The following KCNQ3 variants were observed in gnomAD, a reference collection of about 807,000 sequenced individuals.
The protein encoded by KCNQ3 is potassium voltage-gated channel subfamily Q member 3.
A neutral mutation model predicts 92.5 loss-of-function variants in KCNQ3; 30 were observed. The observed-to-expected ratio is 0.32, with a 90% CI of 0.24 to 0.44. The LOEUF is 0.44. Ranked by LOEUF, KCNQ3 falls within the 20% of genes least tolerant of loss-of-function variation. The pLI, the probability that KCNQ3 is intolerant of heterozygous loss-of-function variation, is 1.00. For synonymous variants in KCNQ3, 450 were observed against 468.8 expected (o/e 0.96, Z 0.52); for missense variants, 913 against 1,140.3 (o/e 0.80, Z 2.87).
At chr8:132,162,135 C>G (rs1031117760) in intron 9 of KCNQ3, among the ~76,000 whole-genome samples, 1 of 152,116 alleles carries the variant, frequency 6.6e-6, no homozygotes, top group Admixed American at 6.6e-5. Flanking sequence ...ATCAGAAGCC[C>G]CTTTTCTAGG....
intron 1 of KCNQ3, among the ~76,000 whole-genome samples, chr8:132,463,663 T>G (rs1465501463): frequency 6.6e-6 from 1 of 152,216 alleles, no homozygotes; most frequent in African/African-American, 2.4e-5. Flanking sequence ...GCAAATCTTT[T>G]CTTCTACACT....
At chr8:132,214,457 C>T (rs187609670) in intron 1 of KCNQ3, among the ~76,000 whole-genome samples, 1 of 152,210 alleles carries the variant, frequency 6.6e-6, no homozygotes, top group Non-Finnish European at 1.5e-5. Flanking sequence ...CAATAACTGT[C>T]GTATAATAGA....
At chr8:132,243,160 T>G (rs2130413898) in intron 1 of KCNQ3, among the ~76,000 whole-genome samples, 1 of 152,310 alleles carries the variant, frequency 6.6e-6, no homozygotes. Context: ...GGAAACTGAC[T>G]ATGAGATTTA....
intron 4 of KCNQ3, among the ~76,000 whole-genome samples, chr8:132,177,623 A>C (rs1826608804): frequency 6.6e-6 from 1 of 152,188 alleles, no homozygotes; most frequent in South Asian, 2.1e-4. Context: ...TGGGAGCTCT[A>C]GGGCTCATTT....
intron 1 of KCNQ3, among the ~76,000 whole-genome samples, chr8:132,368,148 T>G (rs1819374698): frequency 6.6e-6 from 1 of 152,156 alleles, no homozygotes; most frequent in African/African-American, 2.4e-5. Flanking sequence ...AACAAAATCG[T>G]TTTCCTTATA....
At chr8:132,307,813 T>C (rs549546519) in intron 1 of KCNQ3, among the ~76,000 whole-genome samples, 21 of 152,238 alleles carry the variant, frequency 1.4e-4, no homozygotes, top group Admixed American at 3.9e-4. Flanking sequence ...TCATGGAAGA[T>C]GGATGATAAA....
At chr8:132,143,121 C>G (rs1238785861) in intron 9 of KCNQ3, among the ~76,000 whole-genome samples, 3 of 152,208 alleles carry the variant, frequency 2.0e-5, no homozygotes, top group Non-Finnish European at 4.4e-5. Context: ...TCTGTTCTCT[C>G]TCACCCAGCA....
At chr8:132,387,743 G>A (rs1279894872) in intron 1 of KCNQ3, among the ~76,000 whole-genome samples, 1 of 152,140 alleles carries the variant, frequency 6.6e-6, no homozygotes, top group Non-Finnish European at 1.5e-5. Context: ...GATCAGGCCT[G>A]CAATCTCAGC....
chr8:132,438,843 A>G (rs756738366), intron 1 of KCNQ3, among the ~76,000 whole-genome samples: 9 of 151,526 alleles, frequency 5.9e-5, no homozygotes, highest in Non-Finnish European at 1.2e-4. Context: ...GGGCTCTTGA[A>G]GAAGAGATTC....
At chr8:132,310,683 T>A (rs1166170070) in intron 1 of KCNQ3, among the ~76,000 whole-genome samples, 1 of 152,228 alleles carries the variant, frequency 6.6e-6, no homozygotes, top group African/African-American at 2.4e-5. Flanking sequence ...ATCTTAAATA[T>A]GTTTAAGTTA....
chr8:132,270,619 A>C (rs964351707), intron 1 of KCNQ3, among the ~76,000 whole-genome samples: 2 of 152,194 alleles, frequency 1.3e-5, no homozygotes, highest in Admixed American at 6.5e-5. Flanking sequence ...AGTATTATCT[A>C]TGGCTACTTT....
chr8:132,300,702 C>A (rs1817186061), intron 1 of KCNQ3, among the ~76,000 whole-genome samples: 1 of 152,134 alleles, frequency 6.6e-6, no homozygotes, highest in Non-Finnish European at 1.5e-5. Context: ...TAAAACAGAA[C>A]CTTTGGGTTT....
chr8:132,246,002 A>G (rs1815161903), intron 1 of KCNQ3, among the ~76,000 whole-genome samples: 1 of 152,192 alleles, frequency 6.6e-6, no homozygotes, highest in Non-Finnish European at 1.5e-5. Context: ...TAAGGAGAAA[A>G]TCAAGGGACC....
chr8:132,161,386 T>G (rs755723693), intron 9 of KCNQ3, among the ~76,000 whole-genome samples: 1 of 152,188 alleles, frequency 6.6e-6, no homozygotes, highest in Non-Finnish European at 1.5e-5. Flanking sequence ...CCCAGCACTA[T>G]GGGAGACCAA....
At chr8:132,161,852 C>T (rs1381657175) in intron 9 of KCNQ3, among the ~76,000 whole-genome samples, 1 of 152,160 alleles carries the variant, frequency 6.6e-6, no homozygotes, top group African/African-American at 2.4e-5. Flanking sequence ...CCTCTGTTGG[C>T]AATTCTTGCA....
chr8:132,183,491 A>G (rs574508889), intron 3 of KCNQ3, among the ~76,000 whole-genome samples: 1 of 152,168 alleles, frequency 6.6e-6, no homozygotes, highest in East Asian at 1.9e-4. Flanking sequence ...CTGACACTCT[A>G]TGATCCTGTA....
intron 1 of KCNQ3, among the ~76,000 whole-genome samples, 154 bp downstream of exon 1, chr8:132,479,993 C>CA (rs1554660743): frequency 2.4e-4 from 35 of 148,646 alleles, no homozygotes; most frequent in South Asian, 6.4e-4. Context: ...CACACACACA[C>CA]CCAGGGAAAC....
intron 1 of KCNQ3, among the ~76,000 whole-genome samples, chr8:132,414,578 C>G (rs1303291282): frequency 1.3e-5 from 2 of 152,172 alleles, no homozygotes; most frequent in Non-Finnish European, 2.9e-5. Context: ...GATACTAGAA[C>G]AGTTGCTGGG....
chr8:132,247,659 G>A (rs753670659), intron 1 of KCNQ3, among the ~76,000 whole-genome samples: 16 of 152,078 alleles, frequency 1.1e-4, no homozygotes, highest in Non-Finnish European at 1.9e-4. Flanking sequence ...TTAGCCGGGC[G>A]TGGCGGTGGG....
Sources: gnomAD v4.1 joint callset for allele counts (sites outside exome capture counted in the v4.1 genomes callset) on GRCh38, gnomAD v4.1.1 for gene constraint, MANE v1.5 for transcripts, NCBI Gene and HGNC (gene_info 2026-07-23, HGNC 2026-07-21) for gene names.